The following MYCBP2 variants were observed in gnomAD, a reference collection of about 807,000 sequenced individuals.
MYCBP2 encodes the protein E3 ubiquitin-protein ligase MYCBP2.
Under a neutral mutation model 525.3 loss-of-function variants are expected in MYCBP2, and 120 were observed. That is an observed-to-expected ratio of 0.23 (90% confidence interval 0.20 to 0.27). The LOEUF is 0.27. Among genes scored for constraint, MYCBP2 ranks in the 10% least tolerant of loss-of-function variants. The pLI, the probability that MYCBP2 is intolerant of heterozygous loss-of-function variation, is 1.00. For synonymous variants in MYCBP2, 1,894 were observed against 1,955.8 expected, an observed-to-expected ratio of 0.97 and a Z score of 0.83; for missense variants, 4,149 against 5,657.1, an observed-to-expected ratio of 0.73 and a Z score of 8.55.
Position 77,098,089 on chromosome 13 carries a change from G to A in MYCBP2, c.9065C>T (p.Ala3022Val). 6.2e-7 allele frequency: 1 copy of A among 1,613,382 alleles called. No individual in the cohort carries two copies. The highest frequency in any genetic ancestry group is 8.5e-7 in the Non-Finnish European group (1 of 1,179,722). The change falls in exon 56 of 83, where the codon GCC becomes GTC. Residue 3022 changes from alanine to valine, a missense_variant. Ala to Val is a moderately conservative substitution (Grantham distance 64). This residue lies in a region of MYCBP2 where 653 missense variants were observed against 744.7 expected (regional missense o/e 0.88). Coordinates refer to ENST00000544440, the MANE Select transcript of MYCBP2 (RefSeq NM_015057.5). ...GSKPLEPAKQ[A>V]MSPSVAECAR... ...ACATTCGGCCACAGAAGGAGACATG[G>A]CTTGCTTGGCTGGCTCTAAAGGCTT...
intron 69 of MYCBP2, among the ~76,000 whole-genome samples, chr13:77,069,811 T>C (rs530656378): frequency 3.3e-5 from 5 of 150,386 alleles, no homozygotes; most frequent in Non-Finnish European, 7.4e-5. Flanking sequence ...GAGCTTGCAG[T>C]GGGCCGAGAT....
chr13:77,273,719 T>C (rs780028256), intron 4 of MYCBP2, 51 bp from the exon 5 acceptor site: 2 of 1,260,446 alleles, frequency 1.6e-6, no homozygotes. Flanking sequence ...CGGAACATTA[T>C]ATGCGTATAT....
intron 52 of MYCBP2, chr13:77,129,058 G>A: frequency 5.1e-6 from 2 of 393,264 alleles, no homozygotes; most frequent in South Asian, 1.4e-4. Flanking sequence ...TGGTTAAAAG[G>A]TTTTATTAAT....
chr13:77,241,568 A>C (rs1408933241), intron 17 of MYCBP2, among the ~76,000 whole-genome samples: 1 of 152,188 alleles, frequency 6.6e-6, no homozygotes, highest in Non-Finnish European at 1.5e-5. Context: ...CTGTTTTGTA[A>C]GAAATATTTA....
intron 26 of MYCBP2, among the ~76,000 whole-genome samples, chr13:77,201,364 C>A (rs941614630): frequency 6.7e-6 from 1 of 150,178 alleles, no homozygotes; most frequent in African/African-American, 2.5e-5. Flanking sequence ...ATATATGCAC[C>A]CAATACAGGA....
At chr13:77,235,217 G>T (rs2067729636) in intron 17 of MYCBP2, among the ~76,000 whole-genome samples, 3 of 151,950 alleles carry the variant, frequency 2.0e-5, no homozygotes, top group Admixed American at 2.0e-4. Flanking sequence ...CACAAACTAT[G>T]AAATATTACA....
intron 30 of MYCBP2, 74 bp downstream of exon 30, chr13:77,188,877 C>T (rs1271486657): frequency 4.3e-6 from 4 of 935,494 alleles, no homozygotes; most frequent in Admixed American, 2.7e-5. Flanking sequence ...CTTACAAGAG[C>T]AGCTAAACTC....
At chr13:77,242,264 C>T (rs1284175541) in intron 17 of MYCBP2, among the ~76,000 whole-genome samples, 1 of 152,128 alleles carries the variant, frequency 6.6e-6, no homozygotes, top group Non-Finnish European at 1.5e-5. Context: ...CAGGCGCACA[C>T]CACCACGCCC....
chr13:77,206,601 C>T, intron 24 of MYCBP2, 52 bp downstream of exon 24: 1 of 1,433,180 alleles, frequency 7.0e-7, no homozygotes, highest in Non-Finnish European at 9.2e-7. Context: ...AAAAAAAACC[C>T]TGGACAGCAC....
intron 68 of MYCBP2, among the ~76,000 whole-genome samples, chr13:77,071,790 G>A (rs1008353333): frequency 5.3e-5 from 8 of 152,212 alleles, no homozygotes; most frequent in South Asian, 2.1e-4. Flanking sequence ...TGAAGTGCAC[G>A]TGGACATTCA....
chr13:77,260,901 A>G (rs998728762), intron 12 of MYCBP2, among the ~76,000 whole-genome samples: 1 of 152,172 alleles, frequency 6.6e-6, no homozygotes, highest in Admixed American at 6.5e-5. Context: ...TAGCTATTGC[A>G]TTATTAATAC....
Position 77,065,657 on chromosome 13 carries a change from C to G in MYCBP2, c.12552+335G>C, listed in dbSNP as rs534451364. Among the ~76,000 whole-genome samples, 162 of 152,290 alleles carry G rather than the reference C, an allele frequency of 1.1e-3. 1 individual carries two copies. Among genetic ancestry groups the G allele is most frequent in the African/African-American group, 3.8e-3 (157 of 41,560 alleles). ...GAGGACTGAGGAGAATGAGAAACTT[C>G]CACTTTCGAGAGCTCTCTTCCTCTT... On this transcript the variant is annotated intron_variant, in intron 72 of 82. Transcript: ENST00000544440.
Position 77,233,284 on chromosome 13 carries a change from T to C in MYCBP2, c.2630-21A>G, listed in dbSNP as rs550619817. On this transcript the variant is annotated intron_variant, in intron 17 of 82. Coordinates refer to ENST00000544440, the MANE Select transcript of MYCBP2 (RefSeq NM_015057.5). ...GGGGCCTGAGGAGAAACATTTTGTATGTGCATAGAAAAACTCACAAAATGA... is the reference window on the plus strand; with the variant it reads ...GGGGCCTGAGGAGAAACATTTTGTACGTGCATAGAAAAACTCACAAAATGA... 12 of 1,562,486 alleles carry C rather than the reference T, an allele frequency of 7.7e-6. No homozygotes were observed. The Admixed American group carries it at 1.7e-4, about 22-fold the overall frequency.
intron 45 of MYCBP2, 118 bp downstream of exon 45, chr13:77,157,819 A>G (rs1436054013): frequency 3.6e-5 from 29 of 798,266 alleles, no homozygotes; most frequent in Non-Finnish European, 5.6e-5. Flanking sequence ...AGCAAGTTAA[A>G]CATACATAAA....
At chr13:77,231,298 C>T (rs1235994881) in intron 18 of MYCBP2, among the ~76,000 whole-genome samples, 2 of 152,140 alleles carry the variant, frequency 1.3e-5, no homozygotes, top group Non-Finnish European at 2.9e-5. Flanking sequence ...CTTGTTTTTT[C>T]ACTGCAACCT....
intron 73 of MYCBP2, among the ~76,000 whole-genome samples, chr13:77,064,262 T>C (rs1471732306): frequency 6.6e-6 from 1 of 152,214 alleles, no homozygotes; most frequent in Non-Finnish European, 1.5e-5. Context: ...CAAAGGACCT[T>C]CGGTCTATCA....
At chr13:77,265,979 C>T (rs1454707503) in intron 8 of MYCBP2, among the ~76,000 whole-genome samples, 1 of 152,138 alleles carries the variant, frequency 6.6e-6, no homozygotes, top group Non-Finnish European at 1.5e-5. Flanking sequence ...ACTTATGAAA[C>T]ACAGAAAGCC....
intron 1 of MYCBP2, among the ~76,000 whole-genome samples, chr13:77,298,294 G>C (rs2078407896): frequency 6.6e-6 from 1 of 152,182 alleles, no homozygotes. Flanking sequence ...CTCAGCATAA[G>C]TGTCACTTAA....
intron 74 of MYCBP2, among the ~76,000 whole-genome samples, chr13:77,062,208 T>C (rs1446804175): frequency 6.6e-6 from 1 of 152,236 alleles, no homozygotes; most frequent in Non-Finnish European, 1.5e-5. Context: ...TACTTAAGTA[T>C]ATATGTGAAC....
Sources: allele counts gnomAD v4.1 joint callset (sites outside exome capture counted in the v4.1 genomes callset), GRCh38; gene constraint gnomAD v4.1.1; regional missense constraint gnomAD v4.1.1; transcripts MANE v1.5; gene names NCBI Gene and HGNC (gene_info 2026-07-23, HGNC 2026-07-21).